ENOX1: variants seen among roughly 807,000 people sequenced by gnomAD.
The protein encoded by ENOX1 is candidate growth-related and time keeping constitutive hydroquinone (NADH) oxidase.
A neutral mutation model predicts 82.5 loss-of-function variants in ENOX1; 42 were observed. The observed-to-expected ratio is 0.51, with a 90% CI of 0.40 to 0.66. The LOEUF (loss-of-function observed/expected upper bound fraction) is 0.66, where lower values mean the gene tolerates loss of function less well. Among genes scored for constraint, ENOX1 ranks in the 30% least tolerant of loss-of-function variants. The pLI, the probability that ENOX1 is intolerant of heterozygous loss-of-function variation, is 0.00. For missense variants in ENOX1, 608 were observed against 811.6 expected, an observed-to-expected ratio of 0.75 and a Z score of 3.05; for synonymous variants, 271 against 282.2, an observed-to-expected ratio of 0.96 and a Z score of 0.40.
chr13:43,271,273 C>T (rs766039082), intron 12 of ENOX1, among the ~76,000 whole-genome samples: 2 of 152,142 alleles, frequency 1.3e-5, no homozygotes, highest in Non-Finnish European at 2.9e-5. Flanking sequence ...GTATCTGTAT[C>T]ATCAGACACT....
intron 14 of ENOX1, among the ~76,000 whole-genome samples, chr13:43,239,863 G>A (rs562753155): frequency 6.6e-6 from 1 of 152,290 alleles, no homozygotes; most frequent in Admixed American, 6.5e-5. Context: ...TTGTTTTAAT[G>A]ACTCACTAAT....
chr13:43,363,538 T>C lies in ENOX1; in HGVS notation c.209-2086A>G, dbSNP rs192377850. Among the ~76,000 whole-genome samples, 321 of 152,340 alleles carry C rather than the reference T, an allele frequency of 2.1e-3. 1 individual carries two copies. The highest frequency in any genetic ancestry group is 2.5e-3 in the Non-Finnish European group (167 of 68,038). On this transcript the variant is annotated intron_variant, in intron 5 of 16. Transcript: ENST00000690772. ...AACATATTGGCCTCCAAGGTGAATA[T>C]ATTAGAAAAAGAAATATTGGCAATG...
chr13:43,570,140 G>A (rs1032047991), intron 2 of ENOX1, among the ~76,000 whole-genome samples: 1 of 152,176 alleles, frequency 6.6e-6, no homozygotes, highest in Non-Finnish European at 1.5e-5. Flanking sequence ...ATCCAAGAAA[G>A]GAAAATGAAA....
At chr13:43,565,276 C>A (rs1005640941) in intron 2 of ENOX1, among the ~76,000 whole-genome samples, 1 of 152,128 alleles carries the variant, frequency 6.6e-6, no homozygotes, top group Non-Finnish European at 1.5e-5. Flanking sequence ...GATGTGTTCA[C>A]AGAACAAAAG....
At chr13:43,396,200 G>C in intron 5 of ENOX1, among the ~76,000 whole-genome samples, 1 of 152,176 alleles carries the variant, frequency 6.6e-6, no homozygotes, top group African/African-American at 2.4e-5. Context: ...ACTGGCAGGA[G>C]AATGTCCTTC....
At chr13:43,333,779 C>T (rs969571125) in intron 9 of ENOX1, among the ~76,000 whole-genome samples, 12 of 152,222 alleles carry the variant, frequency 7.9e-5, no homozygotes, top group African/African-American at 2.9e-4. Context: ...CGCACCACCA[C>T]ACCCGGCTAA....
chr13:43,509,864 A>AC (rs2077300736), intron 2 of ENOX1, among the ~76,000 whole-genome samples: 1 of 151,640 alleles, frequency 6.6e-6, no homozygotes, highest in African/African-American at 2.4e-5. Flanking sequence ...TGTCTCCCCA[A>AC]CCCCCAACAC....
intron 2 of ENOX1, among the ~76,000 whole-genome samples, chr13:43,519,722 C>A (rs549517558): frequency 3.0e-4 from 45 of 152,196 alleles, no homozygotes; most frequent in Non-Finnish European, 2.2e-4. Context: ...AAGGCAGCAC[C>A]AAGCAAAGAA....
chr13:43,588,599 G>A (rs1165862421), intron 2 of ENOX1, among the ~76,000 whole-genome samples: 2 of 152,212 alleles, frequency 1.3e-5, no homozygotes, highest in African/African-American at 4.8e-5. Context: ...TCCTACTGGA[G>A]CCTCATTCCC....
intron 5 of ENOX1, among the ~76,000 whole-genome samples, chr13:43,370,140 G>C (rs1475778257): frequency 6.6e-6 from 1 of 152,194 alleles, no homozygotes; most frequent in African/African-American, 2.4e-5. Flanking sequence ...GGCTGAGGCA[G>C]GTGGATCACG....
intron 5 of ENOX1, among the ~76,000 whole-genome samples, chr13:43,401,824 A>G (rs1421535608): frequency 2.0e-5 from 3 of 152,218 alleles, no homozygotes; most frequent in Non-Finnish European, 4.4e-5. Flanking sequence ...GCTTAGATCC[A>G]TTAACCCAAG....
chr13:43,338,442 G>A (rs942621814), intron 9 of ENOX1, among the ~76,000 whole-genome samples: 1 of 152,088 alleles, frequency 6.6e-6, no homozygotes, highest in African/African-American at 2.4e-5. Flanking sequence ...ATCGGGATAA[G>A]GTGACATGAC....
chr13:43,282,903 C>T (rs2045476792), intron 12 of ENOX1, among the ~76,000 whole-genome samples: 1 of 151,674 alleles, frequency 6.6e-6, no homozygotes, highest in Admixed American at 6.6e-5. Context: ...CCAGTCTGGC[C>T]AATATGGTGA....
intron 1 of ENOX1, among the ~76,000 whole-genome samples, chr13:43,739,435 G>C (rs934230599): frequency 6.6e-6 from 1 of 152,008 alleles, no homozygotes; most frequent in Non-Finnish European, 1.5e-5. Flanking sequence ...TGTAGTCCCA[G>C]CTACTTGGGA....
chr13:43,393,721 T>TATGA (rs1338709772), intron 5 of ENOX1, among the ~76,000 whole-genome samples: 1 of 152,202 alleles, frequency 6.6e-6, no homozygotes, highest in Non-Finnish European at 1.5e-5. Context: ...ATTGAGACTC[T>TATGA]ATGAATGTAA....
chr13:43,592,871 T>C (rs369008306), intron 2 of ENOX1, among the ~76,000 whole-genome samples: 150 of 152,318 alleles, frequency 9.8e-4, no homozygotes, highest in African/African-American at 3.4e-3. Flanking sequence ...ACATTAAAAA[T>C]TGATCTCAAG....
intron 6 of ENOX1, among the ~76,000 whole-genome samples, chr13:43,360,882 AT>A (rs2050459831): frequency 6.6e-6 from 1 of 152,162 alleles, no homozygotes; most frequent in African/African-American, 2.4e-5. Context: ...CAGCCCCCAA[AT>A]TGCTAACTGT....
intron 9 of ENOX1, among the ~76,000 whole-genome samples, chr13:43,342,551 C>A (rs1222314049): frequency 6.6e-6 from 1 of 152,112 alleles, no homozygotes; most frequent in East Asian, 1.9e-4. Flanking sequence ...GCTGGTCCTG[C>A]CCCACCCCTT....
At chr13:43,760,860 G>GGA (rs755222673) in intron 1 of ENOX1, among the ~76,000 whole-genome samples, 12 of 127,330 alleles carry the variant, frequency 9.4e-5, no homozygotes, top group Non-Finnish European at 1.3e-4. Flanking sequence ...CATTAAAGTG[G>GGA]AAAAAAAAAA....
Sources: allele counts gnomAD v4.1 joint callset (sites outside exome capture counted in the v4.1 genomes callset), GRCh38; gene constraint gnomAD v4.1.1; transcripts MANE v1.5; gene names NCBI Gene and HGNC (gene_info 2026-07-23, HGNC 2026-07-21).